MVB12B: variants seen among roughly 807,000 people sequenced by gnomAD.
MVB12B encodes the protein multivesicular body subunit 12B, also known as ESCRT-I complex subunit MVB12B.
Under a neutral mutation model 41.6 loss-of-function variants are expected in MVB12B, and 16 were observed. The observed-to-expected ratio is 0.38, with a 90% CI of 0.26 to 0.58. The LOEUF (loss-of-function observed/expected upper bound fraction) is 0.58. Among genes scored for constraint, MVB12B ranks in the 20% least tolerant of loss-of-function variants. The probability of loss-of-function intolerance (pLI) is 0.62; values close to 1 mark genes in which losing one functional copy is unlikely to be tolerated. For synonymous variants in MVB12B, 133 were observed against 139.7 expected, an observed-to-expected ratio of 0.95 and a Z score of 0.34; for missense variants, 274 against 380.2, an observed-to-expected ratio of 0.72 and a Z score of 2.32.
chr9:126,456,792 T>A (rs911476418), intron 7 of MVB12B, among the ~76,000 whole-genome samples: 5 of 152,102 alleles, frequency 3.3e-5, no homozygotes, highest in African/African-American at 7.2e-5. Context: ...TCCCCTCGAG[T>A]TTCTTCAGCT....
intron 3 of MVB12B, among the ~76,000 whole-genome samples, chr9:126,385,365 C>G (rs1299814914): frequency 2.6e-5 from 4 of 152,102 alleles, no homozygotes; most frequent in Non-Finnish European, 5.9e-5. Flanking sequence ...AAAGAGAGTG[C>G]CAAGAGGGAA....
intron 7 of MVB12B, among the ~76,000 whole-genome samples, chr9:126,429,390 A>G (rs974959369): frequency 1.3e-5 from 2 of 152,192 alleles, no homozygotes; most frequent in African/African-American, 4.8e-5. Flanking sequence ...GTACACAACC[A>G]TGTGTGTGCT....
rs1375964429 is a variant in MVB12B, at chr9:126,459,321, G to C, written c.758-22048G>C. On this transcript the variant is annotated intron_variant, in intron 7 of 9. Transcript: ENST00000361171. The surrounding 1 kb of genome is among the most constrained non-coding windows in gnomAD (Gnocchi z 4.3). ...CTCTGAGTCATAAAACAGGCCAATT[G>C]TGTTTTTCTTAGGGGACTGTGACCC... 6.6e-6 allele frequency among the ~76,000 whole-genome samples: 1 copy of C among 152,182 alleles called. No individual in the cohort carries two copies. The highest frequency in any genetic ancestry group is 1.5e-5 in the Non-Finnish European group (1 of 68,028).
rs1280801728 is a variant in MVB12B, at chr9:126,459,173, C to T, written c.758-22196C>T. Among the ~76,000 whole-genome samples the T allele has an allele frequency of 6.6e-6, 1 of 152,210 alleles. No individual in the cohort carries two copies. Among genetic ancestry groups the T allele is most frequent in the Non-Finnish European group, 1.5e-5 (1 of 68,036 alleles). On this transcript the variant is annotated intron_variant, in intron 7 of 9. Transcript: ENST00000361171. This position sits in a 1 kb window ranked among gnomAD's most constrained non-coding sequence, Gnocchi z 4.3. ...AGTAATCAGTTGGCAAGTAGGTTACCTGGCTGTGCTTTGGCACTGGTATTT... is the reference window on the plus strand; with the variant it reads ...AGTAATCAGTTGGCAAGTAGGTTACTTGGCTGTGCTTTGGCACTGGTATTT...
chr9:126,426,317 T>G (rs1832174812), intron 7 of MVB12B, among the ~76,000 whole-genome samples: 2 of 152,242 alleles, frequency 1.3e-5, no homozygotes, highest in Admixed American at 6.5e-5. Flanking sequence ...AGTTCTTACC[T>G]TGCTGACTGT....
chr9:126,441,064 G>T (rs1471567328), intron 7 of MVB12B, among the ~76,000 whole-genome samples: 2 of 152,208 alleles, frequency 1.3e-5, no homozygotes, highest in African/African-American at 4.8e-5. Context: ...CTGTTCTCCC[G>T]ATGCAGCCCT....
chr9:126,446,511 C>CAA (rs34637951), intron 7 of MVB12B, among the ~76,000 whole-genome samples: 4,125 of 113,720 alleles, frequency 0.036, 152 homozygotes, highest in Admixed American at 0.13. Flanking sequence ...AAAAGAACAC[C>CAA]AAAAAAAAAA....
intron 7 of MVB12B, among the ~76,000 whole-genome samples, chr9:126,465,802 G>A (rs1238657420): frequency 2.6e-5 from 4 of 152,170 alleles, no homozygotes; most frequent in Non-Finnish European, 5.9e-5. Flanking sequence ...TGTTTTAGAT[G>A]TGTTATCTTT....
chr9:126,387,382 A>G (rs1410026043), intron 4 of MVB12B, among the ~76,000 whole-genome samples: 1 of 152,262 alleles, frequency 6.6e-6, no homozygotes, highest in East Asian at 1.9e-4. Flanking sequence ...AATACAAAAC[A>G]AATACAGAGA....
chr9:126,370,894 T>A (rs1830317976), intron 2 of MVB12B, among the ~76,000 whole-genome samples: 2 of 152,176 alleles, frequency 1.3e-5, no homozygotes, highest in African/African-American at 4.8e-5. Flanking sequence ...TACATGTCCA[T>A]CTATTTCTTT....
At chr9:126,402,361 G>T (rs1831289201) in intron 6 of MVB12B, among the ~76,000 whole-genome samples, 1 of 152,008 alleles carries the variant, frequency 6.6e-6, no homozygotes, top group African/African-American at 2.4e-5. Context: ...TGGGGCGCTG[G>T]GTGTGGTGGC....
At chr9:126,502,470 T>TC (rs1317471881) in intron 9 of MVB12B, among the ~76,000 whole-genome samples, 6 of 152,206 alleles carry the variant, frequency 3.9e-5, no homozygotes, top group African/African-American at 1.4e-4. Context: ...TGAGCTGGGG[T>TC]CTCTGGCGTG....
intron 2 of MVB12B, among the ~76,000 whole-genome samples, chr9:126,346,845 C>T (rs1211089516): frequency 6.6e-6 from 1 of 152,090 alleles, no homozygotes; most frequent in African/African-American, 2.4e-5. Flanking sequence ...TCAAAGTTGC[C>T]GAAGTGAAAG....
intron 7 of MVB12B, among the ~76,000 whole-genome samples, chr9:126,432,881 T>A (rs1044299242): frequency 2.0e-5 from 3 of 152,226 alleles, no homozygotes; most frequent in Non-Finnish European, 2.9e-5. Context: ...TGAATCGTGC[T>A]AGGACTAACT....
intron 6 of MVB12B, among the ~76,000 whole-genome samples, chr9:126,413,432 CTGA>C (rs1375229913): frequency 6.6e-6 from 1 of 152,142 alleles, no homozygotes; most frequent in Admixed American, 6.5e-5. Flanking sequence ...AACAAGTCAA[CTGA>C]TGATATTTTT....
At chr9:126,361,300 G>A (rs1200480162) in intron 2 of MVB12B, among the ~76,000 whole-genome samples, 1 of 152,028 alleles carries the variant, frequency 6.6e-6, no homozygotes, top group African/African-American at 2.4e-5. Flanking sequence ...CTACTTTTAA[G>A]TAATACACAA....
chr9:126,392,947 G>A lies in MVB12B; in HGVS notation c.539+752G>A, dbSNP rs891602895. Among the ~76,000 whole-genome samples, 2 of 152,334 alleles carry A rather than the reference G, an allele frequency of 1.3e-5. No individual in the cohort carries two copies. The highest frequency in any genetic ancestry group is 6.5e-5 in the Admixed American group (1 of 15,304). ...ATGGCCTGGAGTTTATTCCAAGCAC[G>A]CTAGAAAGTCAGTGGAGGGCTCCAA... On this transcript the variant is annotated intron_variant, in intron 5 of 9. Coordinates refer to ENST00000361171, the MANE Select transcript of MVB12B (RefSeq NM_033446.3). This position sits in a 1 kb window ranked among gnomAD's most constrained non-coding sequence, Gnocchi z 4.8.
At chr9:126,472,700 G>C (rs1376900967) in intron 7 of MVB12B, among the ~76,000 whole-genome samples, 2 of 152,128 alleles carry the variant, frequency 1.3e-5, no homozygotes, top group African/African-American at 4.8e-5. Flanking sequence ...GGCCTGACAT[G>C]CTGATTTCTA....
chr9:126,377,914 C>T (rs1444407269), intron 2 of MVB12B, among the ~76,000 whole-genome samples: 1 of 152,230 alleles, frequency 6.6e-6, no homozygotes, highest in African/African-American at 2.4e-5. Context: ...GAAACATTCG[C>T]GCTGTCTTTG....
Sources: gnomAD v4.1 joint callset for allele counts (sites outside exome capture counted in the v4.1 genomes callset) on GRCh38, gnomAD v4.1.1 for gene constraint, Gnocchi (gnomAD v3.1) non-coding constraint, MANE v1.5 for transcripts, NCBI Gene and HGNC (gene_info 2026-07-23, HGNC 2026-07-21) for gene names.